KCNIP4: variants seen among roughly 807,000 people sequenced by gnomAD.
KCNIP4 encodes the protein potassium voltage-gated channel interacting protein 4, also known as Kv channel-interacting protein 4.
In KCNIP4, 12 loss-of-function variants were observed where a neutral mutation model predicts 34.0. The ratio of observed to expected loss-of-function variants is 0.35; its 90% CI spans 0.23 to 0.57. The LOEUF (loss-of-function observed/expected upper bound fraction) is 0.57, where lower values mean the gene tolerates loss of function less well. KCNIP4 is among the 20% of genes least tolerant of loss of function. The pLI is 0.83. For synonymous variants in KCNIP4, 124 were observed against 102.2 expected, an observed-to-expected ratio of 1.21 and a Z score of -1.29; for missense variants, 238 against 311.7, an observed-to-expected ratio of 0.76 and a Z score of 1.78.
intron 1 of KCNIP4, among the ~76,000 whole-genome samples, chr4:21,384,035 G>A (rs905713814): frequency 5.3e-5 from 8 of 152,004 alleles, no homozygotes; most frequent in African/African-American, 1.4e-4. Flanking sequence ...ACAAGAGCAC[G>A]CCGAGCTCAG....
chr4:21,304,015 G>T (rs980261073), intron 1 of KCNIP4: 1 of 1,225,830 alleles, frequency 8.2e-7, no homozygotes, highest in Non-Finnish European at 1.1e-6. Flanking sequence ...GGAGAAAGGG[G>T]AGGAGGAGAG....
At chr4:20,816,712 T>C (rs919687641) in intron 3 of KCNIP4, among the ~76,000 whole-genome samples, 1 of 152,258 alleles carries the variant, frequency 6.6e-6, no homozygotes, top group African/African-American at 2.4e-5. Flanking sequence ...CTAGAGTTTT[T>C]GCTACCTTGA....
intron 1 of KCNIP4, among the ~76,000 whole-genome samples, chr4:21,101,683 G>C (rs1747954609): frequency 6.6e-6 from 1 of 152,084 alleles, no homozygotes; most frequent in African/African-American, 2.4e-5. Flanking sequence ...GTAAGAGCTA[G>C]ATAAATTATA....
At chr4:21,151,916 G>T (rs956488313) in intron 1 of KCNIP4, among the ~76,000 whole-genome samples, 5 of 152,116 alleles carry the variant, frequency 3.3e-5, no homozygotes, top group African/African-American at 1.2e-4. Flanking sequence ...AGTTCCAACA[G>T]CCTGCACAAT....
chr4:21,184,928 G>A (rs182978319), intron 1 of KCNIP4, among the ~76,000 whole-genome samples: 22 of 152,196 alleles, frequency 1.4e-4, no homozygotes, highest in Admixed American at 4.6e-4. Context: ...TGAGAAATTA[G>A]GATGAGCATT....
intron 1 of KCNIP4, among the ~76,000 whole-genome samples, chr4:21,726,297 C>T (rs1013864568): frequency 3.3e-5 from 5 of 152,128 alleles, no homozygotes; most frequent in Admixed American, 3.3e-4. Flanking sequence ...CAGTAGCCAG[C>T]TCCAACAGCC....
Position 21,122,459 on chromosome 4 carries a change from T to G in KCNIP4, c.62-239750A>C, listed in dbSNP as rs74609536. On this transcript the variant is annotated intron_variant, in intron 1 of 8. Transcript: ENST00000382152. The stretch of plus-strand genomic sequence containing the variant: ...TGGGGTTAATTTTTGCAGATCAAGT[T>G]TTTTTTTTTTTTTTTTTAAGTGCGT... Among the ~76,000 whole-genome samples the G allele has an allele frequency of 3.6e-3, 193 of 53,386 alleles. 1 individual carries two copies. The highest frequency in any genetic ancestry group is 0.018 in the Middle Eastern group (2 of 110). The allele number at this position is 53,386 out of a possible 152,430, so 35.0% of individuals were successfully genotyped here.
intron 1 of KCNIP4, among the ~76,000 whole-genome samples, chr4:20,978,674 C>T (rs1212024616): frequency 6.6e-6 from 1 of 152,148 alleles, no homozygotes; most frequent in Non-Finnish European, 1.5e-5. Context: ...GTCACCTCCA[C>T]CATGGAGTCA....
At chr4:21,232,874 G>C (rs2109024124) in intron 1 of KCNIP4, among the ~76,000 whole-genome samples, 1 of 152,250 alleles carries the variant, frequency 6.6e-6, no homozygotes, top group South Asian at 2.1e-4. Flanking sequence ...GGTGATAACA[G>C]CACAGGGACA....
At chr4:20,786,256 G>A (rs1711976783) in intron 3 of KCNIP4, among the ~76,000 whole-genome samples, 1 of 152,040 alleles carries the variant, frequency 6.6e-6, no homozygotes, top group Non-Finnish European at 1.5e-5. Context: ...GGAACACATG[G>A]ACATAAAGAT....
At chr4:20,950,726 T>C (rs994765287) in intron 1 of KCNIP4, among the ~76,000 whole-genome samples, 3 of 152,118 alleles carry the variant, frequency 2.0e-5, no homozygotes, top group Non-Finnish European at 2.9e-5. Flanking sequence ...TCAGATTTCA[T>C]ACTTATTAAT....
chr4:21,774,592 T>C (rs1487616546), intron 1 of KCNIP4, among the ~76,000 whole-genome samples: 1 of 152,206 alleles, frequency 6.6e-6, no homozygotes, highest in Non-Finnish European at 1.5e-5. Flanking sequence ...GTAGGTTTTG[T>C]CTTTTTACAA....
intron 1 of KCNIP4, among the ~76,000 whole-genome samples, chr4:21,242,081 G>A (rs1349611402): frequency 1.4e-5 from 2 of 147,070 alleles, no homozygotes; most frequent in East Asian, 2.1e-4. Flanking sequence ...GGAGAATGGC[G>A]TGAACCCAGG....
intron 1 of KCNIP4, among the ~76,000 whole-genome samples, chr4:21,042,410 T>C (rs1379225130): frequency 6.6e-6 from 1 of 152,168 alleles, no homozygotes; most frequent in Non-Finnish European, 1.5e-5. Flanking sequence ...TGGGGAGCAT[T>C]AGGTTAAGTG....
intron 1 of KCNIP4, among the ~76,000 whole-genome samples, chr4:21,049,418 G>T (rs901253857): frequency 2.6e-5 from 4 of 152,114 alleles, no homozygotes; most frequent in African/African-American, 9.7e-5. Context: ...TAGATAATTG[G>T]ACTAATATTC....
intron 1 of KCNIP4, among the ~76,000 whole-genome samples, chr4:21,444,067 T>A (rs1390938418): frequency 6.6e-6 from 1 of 152,062 alleles, no homozygotes; most frequent in African/African-American, 2.4e-5. Flanking sequence ...CTCCCAAGAC[T>A]AAACCAGGAA....
chr4:21,632,878 A>G (rs1432494792), intron 1 of KCNIP4, among the ~76,000 whole-genome samples: 1 of 152,186 alleles, frequency 6.6e-6, no homozygotes. Context: ...AAAGCATTAA[A>G]AACTATTCCA....
Position 20,901,247 on chromosome 4 carries a change from G to A in KCNIP4, c.62-18538C>T, listed in dbSNP as rs145526906. The stretch of plus-strand genomic sequence containing the variant: ...AAACAGAAAATGTTAAAGCTCAATC[G>A]CGTTTAGTTGAAACTCCTTTCTTCA... On this transcript the variant is annotated intron_variant, in intron 1 of 8. Coordinates refer to ENST00000382152, the MANE Select transcript of KCNIP4 (RefSeq NM_025221.6). Among the ~76,000 whole-genome samples, 502 of 152,290 alleles carry A rather than the reference G, an allele frequency of 3.3e-3. 5 individuals carry two copies. The highest frequency in any genetic ancestry group is 0.012 in the African/African-American group (480 of 41,562).
intron 1 of KCNIP4, among the ~76,000 whole-genome samples, chr4:21,345,772 T>A (rs2109358043): frequency 6.6e-6 from 1 of 152,200 alleles, no homozygotes; most frequent in African/African-American, 2.4e-5. Flanking sequence ...TTAATTGAGC[T>A]AACAACCATC....
Sources: gnomAD v4.1 joint callset for allele counts (sites outside exome capture counted in the v4.1 genomes callset) on GRCh38, gnomAD v4.1.1 for gene constraint, MANE v1.5 for transcripts, NCBI Gene and HGNC (gene_info 2026-07-23, HGNC 2026-07-21) for gene names.